Variants in ATXN1 observed in about 807,000 individuals in gnomAD.
ATXN1 encodes the protein ataxin-1.
ATXN1 carries 8 observed loss-of-function variants against 56.4 expected under a neutral mutation model. The ratio of observed to expected loss-of-function variants is 0.14; its 90% CI spans 0.08 to 0.26. The LOEUF is 0.26. Ranked by LOEUF, ATXN1 falls within the 10% of genes least tolerant of loss-of-function variation. The probability of loss-of-function intolerance (pLI) is 1.00; values close to 1 mark genes in which losing one functional copy is unlikely to be tolerated. For synonymous variants in ATXN1, 514 were observed against 494.6 expected, an observed-to-expected ratio of 1.04 and a Z score of -0.52; for missense variants, 987 against 1,106.5, an observed-to-expected ratio of 0.89 and a Z score of 1.53.
Position 16,306,619 on chromosome 6 carries a change from T to C in ATXN1, c.2158A>G (p.Arg720Gly), listed in dbSNP as rs1161850737. The change falls in exon 8 of 8, where the codon AGA becomes GGA. Residue 720 changes from arginine (R) to glycine (G), a missense_variant. Around this residue, in one of 3 missense-constraint regions of ATXN1, gnomAD observed 196 missense variants for 196.7 expected, o/e 1.00. Transcript: ENST00000436367. This position sits in a 1 kb window ranked among gnomAD's most constrained non-coding sequence, Gnocchi z 5.2. ...HSKADGLAGS[R>G]HRYAEQENGI... ...TTTTCCTGCTCGGCATACCTGTGTC[T>C]GCTGCCCGCCAGGCCGTCGGCCTTT... is the stretch of plus-strand genomic sequence containing the variant. The C allele has an allele frequency of 6.2e-7, 1 of 1,614,280 alleles. No individual in the cohort carries two copies. The highest frequency in any genetic ancestry group is 2.2e-5 in the East Asian group (1 of 44,892).
chr6:16,729,540 C>G (rs1236081817), intron 2 of ATXN1, among the ~76,000 whole-genome samples: 1 of 152,126 alleles, frequency 6.6e-6, no homozygotes, highest in Non-Finnish European at 1.5e-5. Flanking sequence ...CTTGTCATAC[C>G]TATGTCTTTT....
At chr6:16,563,132 T>C (rs1020019208) in intron 4 of ATXN1, among the ~76,000 whole-genome samples, 1 of 152,156 alleles carries the variant, frequency 6.6e-6, no homozygotes, top group Admixed American at 6.5e-5. Context: ...GAAGGATTCA[T>C]GCCTGGATTC....
chr6:16,442,837 C>T (rs909849354), intron 6 of ATXN1, among the ~76,000 whole-genome samples: 1 of 151,974 alleles, frequency 6.6e-6, no homozygotes, highest in Non-Finnish European at 1.5e-5. Flanking sequence ...CATGGCAAAA[C>T]CCCGTCTCTA....
chr6:16,488,694 T>A (rs540922452), intron 5 of ATXN1, among the ~76,000 whole-genome samples: 3 of 152,288 alleles, frequency 2.0e-5, no homozygotes, highest in South Asian at 4.2e-4. Flanking sequence ...ATGAATGGAG[T>A]AAGTCTGAAA....
intron 2 of ATXN1, among the ~76,000 whole-genome samples, chr6:16,692,302 T>C (rs1163768598): frequency 6.6e-6 from 1 of 152,214 alleles, no homozygotes; most frequent in Non-Finnish European, 1.5e-5. Flanking sequence ...GAAGTAAACA[T>C]TTTTCTTTGT....
In ATXN1 at chr6:16,709,362, T is replaced by G. The variant is rs572366988; in HGVS notation, c.-615+43871A>C. Among the ~76,000 whole-genome samples the G allele has an allele frequency of 1.9e-3, 287 of 152,226 alleles. 1 individual carries two copies. Among genetic ancestry groups the G allele is most frequent in the Admixed American group, 4.3e-3 (66 of 15,294 alleles). ...AAAAATAGAAAGCATAACTTACCAA[T>G]AGCAAGAATAAACAGAAAATCTGAA... On this transcript the variant is annotated intron_variant, in intron 2 of 7. Transcript: ENST00000436367.
chr6:16,679,768 G>C (rs1467956731), intron 2 of ATXN1, among the ~76,000 whole-genome samples: 1 of 152,106 alleles, frequency 6.6e-6, no homozygotes, highest in Non-Finnish European at 1.5e-5. Context: ...AGTTAAACGG[G>C]GGGATTAGAT....
intron 6 of ATXN1, among the ~76,000 whole-genome samples, chr6:16,374,168 T>A (rs1395590992): frequency 6.9e-6 from 1 of 145,334 alleles, no homozygotes; most frequent in Non-Finnish European, 1.5e-5. Context: ...ACATAGACCC[T>A]GCTAAAAAGG....
At chr6:16,540,916 G>A (rs1761702467) in intron 4 of ATXN1, among the ~76,000 whole-genome samples, 1 of 152,148 alleles carries the variant, frequency 6.6e-6, no homozygotes, top group Non-Finnish European at 1.5e-5. Context: ...GTGGGAGACA[G>A]GCTGAGAATA....
At chr6:16,523,327 G>A (rs1199068511) in intron 4 of ATXN1, among the ~76,000 whole-genome samples, 1 of 152,228 alleles carries the variant, frequency 6.6e-6, no homozygotes, top group African/African-American at 2.4e-5. Flanking sequence ...GCACATGGCT[G>A]TGAGTGGCAG....
At chr6:16,606,766 G>C (rs889222546) in intron 3 of ATXN1, among the ~76,000 whole-genome samples, 2 of 151,716 alleles carry the variant, frequency 1.3e-5, no homozygotes, top group African/African-American at 2.4e-5. Context: ...CTGACCTCGT[G>C]ATCCGCCCGC....
chr6:16,661,126 C>T (rs573180350), intron 2 of ATXN1, among the ~76,000 whole-genome samples: 41 of 151,880 alleles, frequency 2.7e-4, no homozygotes, highest in African/African-American at 9.4e-4. Context: ...TGTGAGCCAC[C>T]GCACCTGGCC....
At chr6:16,377,666 G>A (rs1268960670) in intron 6 of ATXN1, among the ~76,000 whole-genome samples, 2 of 152,178 alleles carry the variant, frequency 1.3e-5, no homozygotes, top group African/African-American at 2.4e-5. Context: ...ATCTCTGTAC[G>A]CCTGTGTGCA....
intron 6 of ATXN1, among the ~76,000 whole-genome samples, chr6:16,368,847 T>G (rs556299266): frequency 1.3e-5 from 2 of 152,232 alleles, no homozygotes; most frequent in Non-Finnish European, 2.9e-5. Context: ...TTTTAGAAAG[T>G]GCTAAATGGA....
At chr6:16,448,724 A>G (rs1759684174) in intron 6 of ATXN1, among the ~76,000 whole-genome samples, 1 of 152,190 alleles carries the variant, frequency 6.6e-6, no homozygotes, top group African/African-American at 2.4e-5. Context: ...GCTCACATAC[A>G]GTGGAATTTG....
rs545985371 is a variant in ATXN1 at position 16,753,292 on chromosome 6, G to A, written c.-674C>T. ...GAGGAGGAGATTGCTGTACAAGGAT[G>A]ACAAACAAATCTGCAGCTTGAATGG... On this transcript the variant is annotated 5_prime_UTR_variant, in exon 2 of 8. Transcript: ENST00000436367. The A allele has an allele frequency of 4.4e-6, 2 of 456,850 alleles. No individual in the cohort carries two copies. The highest frequency in any genetic ancestry group is 2.0e-5 in the African/African-American group (1 of 50,178). 28.3% of individuals were successfully genotyped at this position (456,850 alleles called of 1,614,324 possible). A position where few individuals can be genotyped will look rare whatever the true frequency, so the allele number is the denominator to read the frequency against.
intron 7 of ATXN1, among the ~76,000 whole-genome samples, chr6:16,320,018 C>T (rs1168169647): frequency 1.3e-5 from 2 of 152,204 alleles, no homozygotes; most frequent in African/African-American, 4.8e-5. Context: ...AGGGCAGTCA[C>T]CAACTATCTA....
chr6:16,425,183 A>G (rs188964761), intron 6 of ATXN1, among the ~76,000 whole-genome samples: 64 of 152,378 alleles, frequency 4.2e-4, no homozygotes, highest in Non-Finnish European at 8.1e-4. Context: ...GCACAAATTA[A>G]TATTTACAAA....
chr6:16,314,149 A>G (rs12661684), intron 7 of ATXN1, among the ~76,000 whole-genome samples: 9,753 of 152,292 alleles, frequency 0.064, 722 homozygotes, highest in East Asian at 0.39. Context: ...AACTACCTAG[A>G]CAATGTACTT....
Sources: allele counts gnomAD v4.1 joint callset (sites outside exome capture counted in the v4.1 genomes callset), GRCh38; gene constraint gnomAD v4.1.1; regional missense constraint gnomAD v4.1.1; non-coding constraint Gnocchi (gnomAD v3.1); transcripts MANE v1.5; gene names NCBI Gene and HGNC (gene_info 2026-07-23, HGNC 2026-07-21).